Variants in CCDC171 observed in about 807,000 individuals in gnomAD.
CCDC171 encodes coiled-coil domain-containing protein 171.
Under a neutral mutation model 168.2 loss-of-function variants are expected in CCDC171, and 177 were observed. That is an observed-to-expected ratio of 1.05 (90% CI 0.93 to 1.19). CCDC171 has a LOEUF of 1.19. Among genes scored for constraint, CCDC171 ranks in the 50% most tolerant of loss-of-function variants. CCDC171 has a pLI of 0.00. For synonymous variants in CCDC171, 687 were observed against 540.8 expected, an observed-to-expected ratio of 1.27 and a Z score of -3.75; for missense variants, 1,991 against 1,539.0, an observed-to-expected ratio of 1.29 and a Z score of -4.91.
chr9:16,049,237 G>T (rs1833713137), intron 1 of CCDC171, among the ~76,000 whole-genome samples: 1 of 152,198 alleles, frequency 6.6e-6, no homozygotes, highest in Admixed American at 6.5e-5. Context: ...TCTTTATTTG[G>T]AAATGAAGTA....
intron 18 of CCDC171, among the ~76,000 whole-genome samples, chr9:15,746,699 G>C (rs2055308115): frequency 6.6e-6 from 1 of 152,190 alleles, no homozygotes; most frequent in Non-Finnish European, 1.5e-5. Context: ...GAAGACGGGT[G>C]ATTTCTACAT....
intron 21 of CCDC171, among the ~76,000 whole-genome samples, chr9:15,789,822 G>A (rs1355739859): frequency 7.1e-6 from 1 of 141,638 alleles, no homozygotes; most frequent in Non-Finnish European, 1.5e-5. Flanking sequence ...TCATTGTTCA[G>A]TTCCCACCTA....
Position 15,623,289 on chromosome 9 carries a change from A to T in CCDC171, c.698A>T (p.Asn233Ile). 6.3e-7 allele frequency: 1 copy of T among 1,590,980 alleles called. No homozygotes were observed. Among genetic ancestry groups the T allele is most frequent in the Non-Finnish European group, 8.6e-7 (1 of 1,167,632 alleles). Residue 233 changes from asparagine to isoleucine, a missense_variant, in exon 7 of 26, where the codon AAT becomes ATT. Asn to Ile is a moderately radical substitution (Grantham distance 149). Coordinates refer to ENST00000380701, the MANE Select transcript of CCDC171 (RefSeq NM_173550.4). ...CAGGAGCAAGATACTGCTGTGCAAA[A>T]TATGCATAAGAAAGTAGAAAAATTA... ...IVQEQDTAVQ[N>I]MHKKVEKLET...
intron 7 of CCDC171, among the ~76,000 whole-genome samples, chr9:15,629,710 T>C (rs201923934): frequency 1.3e-5 from 2 of 152,082 alleles, no homozygotes; most frequent in African/African-American, 2.4e-5. Flanking sequence ...AGAGCAACTC[T>C]AAGACACATA....
chr9:15,917,564 A>G (rs1454761932), intron 24 of CCDC171, among the ~76,000 whole-genome samples: 1 of 151,754 alleles, frequency 6.6e-6, no homozygotes, highest in African/African-American at 2.4e-5. Flanking sequence ...TAGATCAAGG[A>G]AGAGTTATCC....
intron 3 of CCDC171, among the ~76,000 whole-genome samples, chr9:15,988,953 A>G (rs1392223019): frequency 1.3e-5 from 2 of 152,146 alleles, no homozygotes; most frequent in Admixed American, 1.3e-4. Context: ...GGTGGAGCCC[A>G]CCGCGGCTCA....
intron 6 of CCDC171, among the ~76,000 whole-genome samples, chr9:15,601,179 C>G (rs985838336): frequency 6.6e-6 from 1 of 152,176 alleles, no homozygotes; most frequent in Admixed American, 6.5e-5. Context: ...TGAGATGAAC[C>G]CGGTACCTGA....
chr9:15,958,024 A>G (rs369375091), intron 25 of CCDC171, among the ~76,000 whole-genome samples: 75 of 152,328 alleles, frequency 4.9e-4, no homozygotes, highest in African/African-American at 1.7e-3. Context: ...TGAAATAAAA[A>G]TATTTGCAGA....
chr9:16,050,244 G>C (rs943569345), intron 1 of CCDC171, among the ~76,000 whole-genome samples: 1 of 152,234 alleles, frequency 6.6e-6, no homozygotes, highest in Non-Finnish European at 1.5e-5. Flanking sequence ...GATAAGTCAA[G>C]TGTATGAGGC....
chr9:16,077,267 C>A, the CCDC171 span, among the ~76,000 whole-genome samples: 1 of 152,148 alleles, frequency 6.6e-6, no homozygotes, highest in Admixed American at 6.5e-5. Flanking sequence ...GTGGTTTGGA[C>A]AGGTACATGG....
At chr9:15,780,615 G>A (rs2057614212) in intron 20 of CCDC171, among the ~76,000 whole-genome samples, 1 of 152,096 alleles carries the variant, frequency 6.6e-6, no homozygotes, top group African/African-American at 2.4e-5. Flanking sequence ...GATGCATTTT[G>A]TTCTCCACAT....
At chr9:15,735,241 C>G (rs969246669) in intron 16 of CCDC171, among the ~76,000 whole-genome samples, 41 of 152,166 alleles carry the variant, frequency 2.7e-4, no homozygotes, top group African/African-American at 9.6e-4. Flanking sequence ...TTGGGTAATT[C>G]TTGAATTTAA....
chr9:15,849,205 G>T lies in CCDC171; in HGVS notation c.3468+258G>T, dbSNP rs542379040. ...TGTAATTGCACTAGGAATTATTTGC[G>T]GTCTTTGCTGAACAAAGCAGAGGTC... On this transcript the variant is annotated intron_variant, in intron 23 of 25. Coordinates refer to ENST00000380701, the MANE Select transcript of CCDC171 (RefSeq NM_173550.4). 1.2e-4 allele frequency among the ~76,000 whole-genome samples: 18 copies of T among 151,238 alleles called. No homozygotes were observed. The East Asian group carries it at 3.5e-3, about 29-fold the overall frequency.
At chr9:15,814,222 C>T (rs572396741) in intron 21 of CCDC171, among the ~76,000 whole-genome samples, 16 of 152,334 alleles carry the variant, frequency 1.1e-4, no homozygotes, top group African/African-American at 3.6e-4. Flanking sequence ...GGGTCATCTT[C>T]TGAAAATCCA....
chr9:15,596,911 T>G (rs1414621988), intron 6 of CCDC171, among the ~76,000 whole-genome samples: 2 of 152,202 alleles, frequency 1.3e-5, no homozygotes, highest in African/African-American at 4.8e-5. Flanking sequence ...GAAGCAATTG[T>G]GAATGAGAGT....
intron 25 of CCDC171, among the ~76,000 whole-genome samples, chr9:15,925,202 T>G (rs16933805): frequency 0.018 from 2,803 of 151,712 alleles, 104 homozygotes; most frequent in South Asian, 0.14. Flanking sequence ...CTTGACCGAT[T>G]ATGAGTTTTT....
intron 7 of CCDC171, among the ~76,000 whole-genome samples, chr9:15,627,438 T>G (rs1422862885): frequency 6.6e-6 from 1 of 152,224 alleles, no homozygotes; most frequent in Non-Finnish European, 1.5e-5. Flanking sequence ...CTTTCCTGCT[T>G]TCTCTTGTGG....
intron 6 of CCDC171, among the ~76,000 whole-genome samples, chr9:16,032,106 AACCCACCC>A (rs1833373043): frequency 6.6e-6 from 1 of 152,172 alleles, no homozygotes; most frequent in Non-Finnish European, 1.5e-5. Context: ...ATGGGCTTTC[AACCCACCC>A]AAGTCCAAAC....
At chr9:15,598,471 C>T (rs1410139755) in intron 6 of CCDC171, among the ~76,000 whole-genome samples, 3 of 152,044 alleles carry the variant, frequency 2.0e-5, no homozygotes, top group Non-Finnish European at 2.9e-5. Flanking sequence ...GAGTGAGTTT[C>T]TTAATCCTGA....
Sources: allele counts gnomAD v4.1 joint callset (sites outside exome capture counted in the v4.1 genomes callset), GRCh38; gene constraint gnomAD v4.1.1; transcripts MANE v1.5; gene names NCBI Gene and HGNC (gene_info 2026-07-23, HGNC 2026-07-21).